Variants in SPTLC3 observed in about 807,000 individuals in gnomAD.
SPTLC3 encodes serine palmitoyltransferase long chain base subunit 3.
A neutral mutation model predicts 59.3 loss-of-function variants in SPTLC3; 36 were observed. The ratio of observed to expected loss-of-function variants is 0.61; its 90% CI spans 0.47 to 0.80. The LOEUF is 0.80. SPTLC3 is among the 30% of genes least tolerant of loss of function. The pLI, the probability that SPTLC3 is intolerant of heterozygous loss-of-function variation, is 0.00. For missense variants in SPTLC3, 625 were observed against 685.1 expected (o/e 0.91, Z 0.98); for synonymous variants, 257 against 240.8 (o/e 1.07, Z -0.62).
intron 1 of SPTLC3, among the ~76,000 whole-genome samples, chr20:13,036,711 T>C (rs544179344): frequency 1.4e-4 from 21 of 152,194 alleles, no homozygotes; most frequent in African/African-American, 5.1e-4. Flanking sequence ...GGTTAGGGCA[T>C]TCATTAACCA....
At chr20:13,159,886 T>TAAAAAAG (rs374709535) in intron 10 of SPTLC3, 117 bp from the exon 11 acceptor site, 9 of 1,363,332 alleles carry the variant, frequency 6.6e-6, no homozygotes, top group Middle Eastern at 2.8e-4. Flanking sequence ...CTTATTATCA[T>TAAAAAAG]AAAAAAGAAA....
Position 13,110,192 on chromosome 20 carries a change from C to A in SPTLC3, c.907C>A (p.Leu303Ile), listed in dbSNP as rs748553288. 1.9e-5 allele frequency: 30 copies of A among 1,613,618 alleles called. No homozygotes were observed. The South Asian group carries it at 3.3e-4, about 18-fold the overall frequency. ...PRTRRAWKKI[L>I]ILVEGVYSME... The stretch of plus-strand genomic sequence containing the variant: ...AACCCGCAGAGCTTGGAAAAAGATT[C>A]TCATCCTGGTGGAGGGTGTCTACAG... Residue 303 changes from leucine to isoleucine, a missense_variant, in exon 7 of 12, where the codon CTC (leucine) becomes ATC (isoleucine). Transcript: ENST00000399002.
intron 1 of SPTLC3, among the ~76,000 whole-genome samples, chr20:13,027,379 C>T (rs1351625225): frequency 2.0e-5 from 3 of 152,128 alleles, no homozygotes; most frequent in Non-Finnish European, 4.4e-5. Context: ...ACAAATGCTA[C>T]TGACCTGTTT....
At chr20:13,073,884 C>T (rs951194091) in intron 3 of SPTLC3, 14 of 549,894 alleles carry the variant, frequency 2.5e-5, no homozygotes, top group Middle Eastern at 7.8e-4. Context: ...CTTTATAGGA[C>T]GGTCCTGTTT....
chr20:13,122,170 G>A (rs2037881660), intron 8 of SPTLC3, among the ~76,000 whole-genome samples: 1 of 152,144 alleles, frequency 6.6e-6, no homozygotes, highest in Non-Finnish European at 1.5e-5. Flanking sequence ...TATTTAGCAG[G>A]CCACCACTAG....
intron 1 of SPTLC3, among the ~76,000 whole-genome samples, chr20:13,036,584 A>C (rs941438797): frequency 6.6e-6 from 1 of 152,154 alleles, no homozygotes; most frequent in Admixed American, 6.6e-5. Context: ...CATCAACAGT[A>C]GGCTATTAGC....
intron 4 of SPTLC3, among the ~76,000 whole-genome samples, chr20:13,089,153 A>G (rs1807318491): frequency 1.3e-5 from 2 of 152,222 alleles, no homozygotes; most frequent in South Asian, 2.1e-4. Context: ...TTCTTATATC[A>G]TACTTTGTAT....
Position 13,091,257 on chromosome 20 carries a change from G to A in SPTLC3, c.732+50G>A, listed in dbSNP as rs749092205. On this transcript the variant is annotated intron_variant, in intron 5 of 11. Transcript: ENST00000399002. Reference sequence around the variant, plus strand: ...TTCTACTGTATTACTCCTAAGAACTGTAACTCTGAGTAGGTCCTTGTTAGA... The same window carrying A: ...TTCTACTGTATTACTCCTAAGAACTATAACTCTGAGTAGGTCCTTGTTAGA... 5.0e-6 allele frequency: 8 copies of A among 1,590,570 alleles called. No homozygotes were observed. In the Admixed American group the frequency reaches 1.0e-4, roughly 20 times the overall value.
At chr20:13,121,292 C>T (rs898235716) in intron 8 of SPTLC3, among the ~76,000 whole-genome samples, 2 of 152,104 alleles carry the variant, frequency 1.3e-5, no homozygotes, top group African/African-American at 4.8e-5. Flanking sequence ...TGGGACAGGG[C>T]AGACAAATTT....
intron 2 of SPTLC3, among the ~76,000 whole-genome samples, chr20:13,060,642 T>C (rs1009276331): frequency 6.7e-5 from 10 of 148,254 alleles, no homozygotes; most frequent in East Asian, 6.1e-4. Flanking sequence ...TCTCTTATTT[T>C]ACTCTCTACA....
intron 2 of SPTLC3, among the ~76,000 whole-genome samples, chr20:13,053,782 G>C (rs1987601613): frequency 6.6e-6 from 1 of 152,056 alleles, no homozygotes; most frequent in African/African-American, 2.4e-5. Context: ...GCGGAAGAAA[G>C]GATATCAGAG....
chr20:13,081,232 A>G (rs1285638563), intron 4 of SPTLC3, among the ~76,000 whole-genome samples: 2 of 152,324 alleles, frequency 1.3e-5, no homozygotes, highest in African/African-American at 2.4e-5. Flanking sequence ...CCTGATGGCA[A>G]TTGTCACTGA....
chr20:13,018,604 T>G (rs888119749), intron 1 of SPTLC3, among the ~76,000 whole-genome samples: 1 of 152,234 alleles, frequency 6.6e-6, no homozygotes, highest in African/African-American at 2.4e-5. Flanking sequence ...GTGTGTGTGC[T>G]CAGGTGTTTC....
At chr20:13,042,315 CT>C (rs1987021902) in intron 1 of SPTLC3, among the ~76,000 whole-genome samples, 1 of 152,188 alleles carries the variant, frequency 6.6e-6, no homozygotes, top group African/African-American at 2.4e-5. Flanking sequence ...GGGGAATGCT[CT>C]GGAGCTCTCT....
intron 9 of SPTLC3, among the ~76,000 whole-genome samples, chr20:13,138,881 T>G (rs1296769311): frequency 6.6e-6 from 1 of 151,598 alleles, no homozygotes; most frequent in East Asian, 1.9e-4. Context: ...AAAAATGGAG[T>G]TTTTCCTTTA....
At chr20:13,068,356 T>C (rs1988306670) in intron 2 of SPTLC3, among the ~76,000 whole-genome samples, 1 of 152,198 alleles carries the variant, frequency 6.6e-6, no homozygotes, top group Non-Finnish European at 1.5e-5. Context: ...ACAAATTAAG[T>C]CTATAGATAA....
chr20:13,133,455 C>T (rs2038172150), intron 9 of SPTLC3, among the ~76,000 whole-genome samples: 1 of 152,062 alleles, frequency 6.6e-6, no homozygotes, highest in Non-Finnish European at 1.5e-5. Flanking sequence ...CATAACAGGT[C>T]GGGCATGGTG....
At chr20:13,018,973 G>A (rs891793872) in intron 1 of SPTLC3, among the ~76,000 whole-genome samples, 38 of 152,256 alleles carry the variant, frequency 2.5e-4, no homozygotes, top group African/African-American at 8.4e-4. Context: ...GCATAGCTCA[G>A]AGAAATACTC....
chr20:13,089,655 A>G (rs987202646), intron 4 of SPTLC3, among the ~76,000 whole-genome samples: 1 of 152,010 alleles, frequency 6.6e-6, no homozygotes, highest in Non-Finnish European at 1.5e-5. Flanking sequence ...GCATGGGGGC[A>G]TGCACCTGCA....
Sources: allele counts gnomAD v4.1 joint callset (sites outside exome capture counted in the v4.1 genomes callset), GRCh38; gene constraint gnomAD v4.1.1; transcripts MANE v1.5; gene names NCBI Gene and HGNC (gene_info 2026-07-23, HGNC 2026-07-21).